The following PLCXD1 variants were observed in gnomAD, a reference collection of about 807,000 sequenced individuals.
PLCXD1 encodes the protein PI-PLC X domain-containing protein 1.
Under a neutral mutation model 37.8 loss-of-function variants are expected in PLCXD1, and 45 were observed. The observed-to-expected ratio is 1.19, with a 90% confidence interval of 0.94 to 1.53. The LOEUF (loss-of-function observed/expected upper bound fraction) is 1.53, where lower values mean the gene tolerates loss of function less well. PLCXD1 is among the 40% of genes most tolerant of loss of function. PLCXD1 has a pLI of 0.00. For missense variants in PLCXD1, 539 were observed against 454.7 expected, an observed-to-expected ratio of 1.19 and a Z score of -1.69; for synonymous variants, 246 against 206.9, an observed-to-expected ratio of 1.19 and a Z score of -1.62.
chrX:287,555 GATACT>G (rs1372685613), intron 2 of PLCXD1, among the ~76,000 whole-genome samples: 5 of 88,878 alleles, frequency 5.6e-5, no homozygotes, highest in Non-Finnish European at 7.5e-5. Context: ...TATAGATATA[GATACT>G]ATATATGTTT....
intron 1 of PLCXD1, among the ~76,000 whole-genome samples, chrX:282,572 G>T (rs1439906246): frequency 1.3e-5 from 2 of 150,504 alleles, no homozygotes; most frequent in African/African-American, 4.9e-5. Context: ...AGGTGTGGTG[G>T]CGGGCGCCTG....
intron 3 of PLCXD1, 96 bp downstream of exon 3, chrX:288,965 T>G (rs1274529423): frequency 7.2e-6 from 9 of 1,241,608 alleles, no homozygotes; most frequent in Non-Finnish European, 1.1e-5. Flanking sequence ...AGGTAGGGTT[T>G]GAGTGGTGCC....
At chrX:282,028 G>A (rs1181858191) in intron 1 of PLCXD1, among the ~76,000 whole-genome samples, 2 of 152,130 alleles carry the variant, frequency 1.3e-5, no homozygotes, top group Non-Finnish European at 2.9e-5. Context: ...GATGACAGGC[G>A]TGAGCCACCG....
Position 299,620 on chromosome X carries a change from T to TG in PLCXD1, c.*286dup. On this transcript the variant is annotated 3_prime_UTR_variant, in exon 7 of 7. Coordinates refer to ENST00000381657, the MANE Select transcript of PLCXD1 (RefSeq NM_018390.4). ...TAAAAATACAAAACTTAGCTGGGTG[T>TG]GTGGCAGGCGCCTGTAGTCCCAGTT... 1.9e-6 allele frequency: 1 copy of TG among 525,432 alleles called. No homozygotes were observed. Among genetic ancestry groups the TG allele is most frequent in the South Asian group, 2.3e-5 (1 of 44,254 alleles). The allele number at this position is 525,432 out of a possible 1,614,324, so 32.5% of individuals were successfully genotyped here. A position where few individuals can be genotyped will look rare whatever the true frequency, so the allele number is the denominator to read the frequency against.
intron 6 of PLCXD1, among the ~76,000 whole-genome samples, chrX:296,934 CAT>C (rs2069833499): frequency 7.4e-6 from 1 of 135,650 alleles, no homozygotes; most frequent in Non-Finnish European, 1.6e-5. Flanking sequence ...CTGTCTATCA[CAT>C]GGGGATTAGG....
intron 6 of PLCXD1, 103 bp from the exon 7 acceptor site, chrX:298,994 T>C (rs1004934788): frequency 2.2e-6 from 2 of 904,366 alleles, no homozygotes; most frequent in Middle Eastern, 2.5e-4. Flanking sequence ...TGCTTTCAAC[T>C]CTTAATTCCT....
At chrX:287,924 C>T (rs2069509618) in intron 2 of PLCXD1, among the ~76,000 whole-genome samples, 1 of 152,020 alleles carries the variant, frequency 6.6e-6, no homozygotes, top group Non-Finnish European at 1.5e-5. Flanking sequence ...TTTACTCTCT[C>T]CCAGTTCTAG....
rs2070032057 is a variant in PLCXD1 at position 302,039 on chromosome X, C to T, written c.*2704C>T. On this transcript the variant is annotated 3_prime_UTR_variant, in exon 7 of 7. Coordinates refer to ENST00000381657, the MANE Select transcript of PLCXD1 (RefSeq NM_018390.4). ...TGTTCAAAAGTTGTCAATCCTCAGC[C>T]GTTCCCTAGTCCTGTTGCCCGGTTC... 2 of 152,312 alleles carry T rather than the reference C, an allele frequency of 1.3e-5. No homozygotes were observed. The highest frequency in any genetic ancestry group is 6.5e-5 in the Admixed American group (1 of 15,274). The allele number at this position is 152,312 out of a possible 1,614,324, so 9.4% of individuals were successfully genotyped here.
Position 292,971 on chromosome X carries a change from C to T in PLCXD1, c.550-64C>T, listed in dbSNP as rs146048017. 2.1e-3 allele frequency: 2,449 copies of T among 1,174,306 alleles called. 15 individuals are homozygous for T. The African/African-American group carries it at 0.024, about 12-fold the overall frequency. 72.7% of individuals were successfully genotyped at this position (1,174,306 alleles called of 1,614,324 possible). On this transcript the variant is annotated intron_variant, in intron 5 of 6. Coordinates refer to ENST00000381657, the MANE Select transcript of PLCXD1 (RefSeq NM_018390.4). ...CCGGTGTCCCGACTTCCCAGCCCTCCGCTCTCCCAGGTGCCCCCGGCTCTC... is the reference window on the plus strand; with the variant it reads ...CCGGTGTCCCGACTTCCCAGCCCTCTGCTCTCCCAGGTGCCCCCGGCTCTC...
intron 6 of PLCXD1, among the ~76,000 whole-genome samples, chrX:294,395 T>C (rs1301599952): frequency 4.0e-5 from 6 of 149,310 alleles, no homozygotes; most frequent in Non-Finnish European, 7.4e-5. Context: ...GGTAGGAGAA[T>C]GGTGTGAACT....
chrX:283,908 T>G, intron 1 of PLCXD1: 1 of 326,132 alleles, frequency 3.1e-6, no homozygotes, highest in Non-Finnish European at 5.6e-6. Context: ...GGATATGGAG[T>G]TTCACTCTTG....
chrX:290,530 G>T, intron 3 of PLCXD1, 118 bp from the exon 4 acceptor site: 1 of 1,080,142 alleles, frequency 9.3e-7, no homozygotes, highest in South Asian at 1.5e-5. Context: ...CTGTTGTTAC[G>T]ACATCCACGT....
At chrX:286,383 A>C (rs1407165333) in intron 2 of PLCXD1, among the ~76,000 whole-genome samples, 6 of 152,084 alleles carry the variant, frequency 3.9e-5, no homozygotes, top group African/African-American at 1.4e-4. Flanking sequence ...TAATTTGTAG[A>C]GATGCGGGGC....
chrX:294,398 T>C (rs1200756785), intron 6 of PLCXD1, among the ~76,000 whole-genome samples: 38 of 145,582 alleles, frequency 2.6e-4, no homozygotes, highest in African/African-American at 4.1e-4. Context: ...AGGAGAATGG[T>C]GTGAACTCGG....
rs770180885 is a variant in PLCXD1, at chrX:288,763, A to G, written c.158A>G (p.Asn53Ser). 4 of 1,613,908 alleles carry G rather than the reference A, an allele frequency of 2.5e-6. No homozygotes were observed. The South Asian group carries it at 3.3e-5, about 13-fold the overall frequency. The part of the protein sequence containing the change: ...GSHDTMTYCL[N>S]KKSPISHEES... ...CACGACACGATGACGTACTGCCTGAACAAGAAGTCCCCCATTTCGCACGAG... is the reference window on the plus strand; with the variant it reads ...CACGACACGATGACGTACTGCCTGAGCAAGAAGTCCCCCATTTCGCACGAG... The change falls in exon 3 of 7, where the codon AAC becomes AGC. Residue 53 changes from asparagine (N) to serine (S), a missense_variant. Asn to Ser is a conservative substitution (Grantham distance 46, BLOSUM62 1). Transcript: ENST00000381657.
chrX:291,440 C>T, intron 4 of PLCXD1, 59 bp from the exon 5 acceptor site: 1 of 1,591,548 alleles, frequency 6.3e-7, no homozygotes, highest in South Asian at 1.1e-5. Context: ...GCCGCCACAC[C>T]CCGCCTTCCC....
At chrX:294,510 A>G (rs980845769) in intron 6 of PLCXD1, among the ~76,000 whole-genome samples, 6 of 150,270 alleles carry the variant, frequency 4.0e-5, no homozygotes, top group African/African-American at 1.5e-4. Flanking sequence ...GGCACCTGTA[A>G]TCCCATCTAC....
At chrX:296,050 G>C (rs2069796495) in intron 6 of PLCXD1, among the ~76,000 whole-genome samples, 2 of 151,998 alleles carry the variant, frequency 1.3e-5, no homozygotes, top group African/African-American at 4.8e-5. Flanking sequence ...GACCTCAGGT[G>C]ATCTGCCCGC....
At chrX:283,659 C>G (rs1422560681) in intron 1 of PLCXD1, 9 of 145,608 alleles carry the variant, frequency 6.2e-5, no homozygotes, top group African/African-American at 1.8e-4. Flanking sequence ...TGGTGTCAGG[C>G]CCGGGTGGGG....
Sources: gnomAD v4.1 joint callset for allele counts (sites outside exome capture counted in the v4.1 genomes callset) on GRCh38, gnomAD v4.1.1 for gene constraint, MANE v1.5 for transcripts, NCBI Gene and HGNC (gene_info 2026-07-23, HGNC 2026-07-21) for gene names.